Variants in ADAM28 observed in about 807,000 individuals in gnomAD.
ADAM28 encodes ADAM metallopeptidase domain 28, also known as disintegrin and metalloproteinase domain-containing protein 28.
ADAM28 carries 105 observed loss-of-function variants against 101.2 expected under a neutral mutation model. The observed-to-expected ratio is 1.04, with a 90% CI of 0.89 to 1.22. The LOEUF (loss-of-function observed/expected upper bound fraction) is 1.22. ADAM28 is among the 50% of genes most tolerant of loss of function. The pLI is 0.00. For synonymous variants in ADAM28, 322 were observed against 310.6 expected (o/e 1.04, Z -0.39); for missense variants, 1,028 against 945.4 (o/e 1.09, Z -1.15).
rs769814125 is a variant in ADAM28, at chr8:24,331,260, T to C, written c.1214T>C (p.Ile405Thr). 3.7e-6 allele frequency: 6 copies of C among 1,612,896 alleles called. No homozygotes were observed. Among genetic ancestry groups the C allele is most frequent in the South Asian group, 1.1e-5 (1 of 90,772 alleles). The part of the protein sequence containing the change: ...LFNAPLPTDI[I>T]STPICGNQLV... The stretch of plus-strand genomic sequence containing the variant: ...AATGCTCCATTGCCTACAGATATCA[T>C]ATCCACTCCAATTTGTGGGAACCAG... The change falls in exon 12 of 23, where the codon ATA (isoleucine) becomes ACA (threonine). Residue 405 changes from isoleucine to threonine, a missense_variant. Coordinates refer to ENST00000265769, the MANE Select transcript of ADAM28 (RefSeq NM_014265.6).
chr8:24,332,642 G>T lies in ADAM28; in HGVS notation c.1282-18G>T. ...AAAAAGTAATGTTGCATTTACATTT[G>T]TTTCTCATATTTCTTAGGAATGTAC... On this transcript the variant is annotated intron_variant, in intron 12 of 22. Transcript: ENST00000265769. The T allele has an allele frequency of 7.1e-7, 1 of 1,406,292 alleles. No individual in the cohort carries two copies. The highest frequency in any genetic ancestry group is 9.5e-7 in the Non-Finnish European group (1 of 1,047,232). 87.1% of individuals were successfully genotyped at this position (1,406,292 alleles called of 1,614,324 possible).
At chr8:24,337,676 A>G (rs1814264558) in intron 14 of ADAM28, among the ~76,000 whole-genome samples, 1 of 152,250 alleles carries the variant, frequency 6.6e-6, no homozygotes, top group Non-Finnish European at 1.5e-5. Context: ...CAATTTGCCT[A>G]AACAAAATTC....
At chr8:24,301,915 T>A (rs967552464) in intron 2 of ADAM28, among the ~76,000 whole-genome samples, 2 of 152,190 alleles carry the variant, frequency 1.3e-5, no homozygotes, top group African/African-American at 4.8e-5. Flanking sequence ...CTGAATTTTT[T>A]TTCTAATAAC....
At chr8:24,319,205 C>G (rs1811552881) in intron 6 of ADAM28, among the ~76,000 whole-genome samples, 1 of 151,956 alleles carries the variant, frequency 6.6e-6, no homozygotes, top group African/African-American at 2.4e-5. Context: ...TCCAATTTCT[C>G]TTTCCTTGCC....
Position 24,331,245 on chromosome 8 carries a change from TG to T in ADAM28, c.1200del (p.Leu400PhefsTer50). 6.2e-7 allele frequency: 1 copy of T among 1,613,374 alleles called. No homozygotes were observed. ...TCAAATTGCCTCTTTAATGCTCCAT[TG>T]CCTACAGATATCATATCCACTCCAA... ...KLSNCLFNAP[L>X]PTDIISTPIC... On this transcript the variant is annotated frameshift_variant, in exon 12 of 23. Transcript: ENST00000265769. LOFTEE classifies it high-confidence loss of function.
chr8:24,330,564 TTTTTTA>T (rs1813237682), intron 11 of ADAM28, among the ~76,000 whole-genome samples: 1 of 152,190 alleles, frequency 6.6e-6, no homozygotes, highest in Admixed American at 6.5e-5. Context: ...TCTCACAATC[TTTTTTA>T]AATATTCATG....
At chr8:24,335,770 A>T in intron 14 of ADAM28, 129 bp downstream of exon 14, 2 of 1,311,710 alleles carry the variant, frequency 1.5e-6, no homozygotes, top group South Asian at 5.8e-5. Context: ...AATCATGGAA[A>T]GGTTTTAAGA....
Position 24,354,485 on chromosome 8 carries a change from CTAT to C in ADAM28, c.*82_*84del, listed in dbSNP as rs2129346576. ...TCTGGATGGCAGAGAAATATACTATCTATCTCACCAGTATTTGCTCTCGACTCA... is the reference window on the plus strand; with the variant it reads ...TCTGGATGGCAGAGAAATATACTATCCTCACCAGTATTTGCTCTCGACTCA... On this transcript the variant is annotated 3_prime_UTR_variant, in exon 23 of 23. Coordinates refer to ENST00000265769, the MANE Select transcript of ADAM28 (RefSeq NM_014265.6). 1.5e-6 allele frequency: 2 copies of C among 1,295,208 alleles called. No homozygotes were observed. The highest frequency in any genetic ancestry group is 2.8e-5 in the East Asian group (1 of 36,082). 80.2% of individuals were successfully genotyped at this position (1,295,208 alleles called of 1,614,324 possible).
chr8:24,320,857 C>A (rs912676109), intron 7 of ADAM28, among the ~76,000 whole-genome samples: 1 of 151,928 alleles, frequency 6.6e-6, no homozygotes, highest in South Asian at 2.1e-4. Flanking sequence ...TTTGGTCTTA[C>A]TTACTGTGCT....
chr8:24,339,017 C>A (rs1263244630), intron 14 of ADAM28, among the ~76,000 whole-genome samples: 1 of 151,926 alleles, frequency 6.6e-6, no homozygotes, highest in African/African-American at 2.4e-5. Context: ...TATATGTTCA[C>A]ATAAATATAA....
At position 24,313,485 on chromosome 8, in the gene ADAM28, G is replaced by C; in HGVS notation, c.481G>C (p.Asp161His). ...GCATGCACTCTTCAAGTATAACCCT[G>C]ATGAAAAGAATTATGACAGCACCTG... is the stretch of plus-strand genomic sequence containing the variant. ...QEHALFKYNP[D>H]EKNYDSTCGM... Residue 161 changes from aspartate (D) to histidine (H), a missense_variant, in exon 6 of 23, where the codon GAT becomes CAT. Coordinates refer to ENST00000265769, the MANE Select transcript of ADAM28 (RefSeq NM_014265.6). 5.6e-6 allele frequency: 9 copies of C among 1,613,892 alleles called. No individual in the cohort carries two copies. The highest frequency in any genetic ancestry group is 7.6e-6 in the Non-Finnish European group (9 of 1,179,862).
intron 9 of ADAM28, among the ~76,000 whole-genome samples, chr8:24,325,891 A>AAAAC (rs1585631109): frequency 6.9e-6 from 1 of 144,210 alleles, no homozygotes; most frequent in African/African-American, 2.5e-5. Context: ...AAAAAAAAAA[A>AAAAC]AAAAAAAAAC....
chr8:24,326,485 G>A, intron 9 of ADAM28, 69 bp from the exon 10 acceptor site: 1 of 1,411,026 alleles, frequency 7.1e-7, no homozygotes, highest in Non-Finnish European at 9.9e-7. Context: ...TTAGGGTTTT[G>A]GATGTATTGT....
At chr8:24,317,563 C>A (rs965284302) in intron 6 of ADAM28, among the ~76,000 whole-genome samples, 3 of 151,910 alleles carry the variant, frequency 2.0e-5, no homozygotes, top group South Asian at 4.2e-4. Flanking sequence ...AAATGTAATA[C>A]CTAAAACCAT....
intron 16 of ADAM28, 73 bp downstream of exon 16, chr8:24,341,830 G>A (rs1318625122): frequency 6.9e-6 from 11 of 1,592,434 alleles, no homozygotes; most frequent in Non-Finnish European, 9.5e-6. Context: ...TTGCCCCTCG[G>A]TTATTCACTA....
intron 18 of ADAM28, among the ~76,000 whole-genome samples, chr8:24,345,257 T>C (rs1490504379): frequency 6.6e-6 from 1 of 152,018 alleles, no homozygotes; most frequent in Admixed American, 6.6e-5. Context: ...ATTGAAGAAA[T>C]GTTTCTGTTG....
intron 6 of ADAM28, 85 bp from the exon 7 acceptor site, chr8:24,320,151 G>T (rs1360325960): frequency 1.6e-5 from 16 of 986,784 alleles, no homozygotes; most frequent in Non-Finnish European, 2.4e-5. Flanking sequence ...TCAACCAACT[G>T]CTTATAAAAT....
At chr8:24,319,609 T>C (rs990891238) in intron 6 of ADAM28, among the ~76,000 whole-genome samples, 1 of 152,098 alleles carries the variant, frequency 6.6e-6, no homozygotes, top group Admixed American at 6.6e-5. Context: ...TAATAAACTT[T>C]GATGAGCTAT....
At chr8:24,348,621 A>C (rs1423772290) in intron 18 of ADAM28, among the ~76,000 whole-genome samples, 2 of 152,166 alleles carry the variant, frequency 1.3e-5, no homozygotes, top group East Asian at 3.9e-4. Context: ...GTTTGCAAAA[A>C]ATTTAAAGAT....
Sources: allele counts gnomAD v4.1 joint callset (sites outside exome capture counted in the v4.1 genomes callset), GRCh38; gene constraint gnomAD v4.1.1; transcripts MANE v1.5; gene names NCBI Gene and HGNC (gene_info 2026-07-23, HGNC 2026-07-21).